P2RY8: variants seen among roughly 807,000 people sequenced by gnomAD.
P2RY8 encodes S-geranylgeranyl-glutathione receptor P2RY8.
P2RY8 carries 6 observed loss-of-function variants against 10.0 expected under a neutral mutation model. The ratio of observed to expected loss-of-function variants is 0.60; its 90% confidence interval spans 0.33 to 1.19. The LOEUF (loss-of-function observed/expected upper bound fraction) is 1.19. Ranked by LOEUF, P2RY8 falls within the 50% of genes most tolerant of loss-of-function variation. The pLI is 0.04. For missense variants in P2RY8, 456 were observed against 542.0 expected (o/e 0.84, Z 1.58); for synonymous variants, 276 against 252.5 (o/e 1.09, Z -0.88).
At chrX:1,478,273 G>GTGTGTGTGTGTGTGTGTGTA (rs539376483) in intron 1 of P2RY8, among the ~76,000 whole-genome samples, 1 of 133,568 alleles carries the variant, frequency 7.5e-6, no homozygotes, top group African/African-American at 3.3e-5. Context: ...GTGTGTGTGT[G>GTGTGTGTGTGTGTGTGTGTA]CCCAGCAGGG....
intron 1 of P2RY8, among the ~76,000 whole-genome samples, chrX:1,514,118 C>A (rs147198012): frequency 0.028 from 4,214 of 152,172 alleles, 191 homozygotes; most frequent in African/African-American, 0.096. Flanking sequence ...CACTTTTAGC[C>A]CTGAGGTTCT....
chrX:1,512,507 ATTG>A (rs2149404184), intron 1 of P2RY8, among the ~76,000 whole-genome samples: 1 of 137,104 alleles, frequency 7.3e-6, no homozygotes, highest in South Asian at 2.4e-4. Flanking sequence ...AGATCATGCC[ATTG>A]CACTCCAGCC....
chrX:1,532,365 A>G (rs1428342388), intron 1 of P2RY8, among the ~76,000 whole-genome samples: 12 of 149,490 alleles, frequency 8.0e-5, no homozygotes, highest in Admixed American at 2.7e-4. Flanking sequence ...ATATATACAC[A>G]TATACGTATA....
At position 1,465,561 on chromosome X, in the gene P2RY8, A is replaced by T; in HGVS notation, c.998T>A (p.Val333Glu). 1 of 1,612,538 alleles carries T rather than the reference A, an allele frequency of 6.2e-7. No individual in the cohort carries two copies. Among genetic ancestry groups the T allele is most frequent in the Non-Finnish European group, 8.5e-7 (1 of 1,179,768 alleles). The stretch of plus-strand genomic sequence containing the variant: ...AGGGTGCGCACCGGCCTCGGAGCGC[A>T]CGGACGTGGTCCTGGCGGAGAAGAG... ...ESLFSARTTS[V>E]RSEAGAHPEG... is the part of the protein sequence containing the mutation. The change falls in exon 2 of 2, where the codon GTG becomes GAG. Residue 333 changes from valine to glutamate, a missense_variant. Transcript: ENST00000381297.
At position 1,493,459 on chromosome X, in the gene P2RY8, GGGA is replaced by G. The variant is rs1569537410; in HGVS notation, c.-24-26880_-24-26878del. ...GGGAAGGAGGAGGAAGGAGGAAGGAGGGAGGAGGGAGGGAGGGAAGGAAGGAAA... is the reference window on the plus strand; with the variant it reads ...GGGAAGGAGGAGGAAGGAGGAAGGAGGGAGGGAGGGAGGGAAGGAAGGAAA... On this transcript the variant is annotated intron_variant, in intron 1 of 1. Transcript: ENST00000381297. Among the ~76,000 whole-genome samples the G allele has an allele frequency of 6.9e-5, 8 of 115,474 alleles. 1 individual carries two copies. Among genetic ancestry groups the G allele is most frequent in the South Asian group, 2.9e-4 (1 of 3,444 alleles). 75.8% of individuals were successfully genotyped at this position (115,474 alleles called of 152,430 possible). A position where few individuals can be genotyped will look rare whatever the true frequency, so the allele number is the denominator to read the frequency against.
At chrX:1,497,956 G>A (rs1239838518) in intron 1 of P2RY8, among the ~76,000 whole-genome samples, 1 of 152,048 alleles carries the variant, frequency 6.6e-6, no homozygotes, top group African/African-American at 2.4e-5. Flanking sequence ...GAAGCAGAGA[G>A]GGATGAGCAG....
intron 1 of P2RY8, among the ~76,000 whole-genome samples, chrX:1,507,759 C>G (rs2092248592): frequency 6.6e-6 from 1 of 152,186 alleles, no homozygotes; most frequent in South Asian, 2.1e-4. Context: ...TCTGGGTACA[C>G]TACCCCTGTG....
chrX:1,512,093 G>T (rs1198800973), intron 1 of P2RY8, among the ~76,000 whole-genome samples: 1 of 152,106 alleles, frequency 6.6e-6, no homozygotes, highest in African/African-American at 2.4e-5. Flanking sequence ...CCTGTCCAGG[G>T]TCTCCTGTGT....
At chrX:1,481,457 C>A (rs1239507762) in intron 1 of P2RY8, among the ~76,000 whole-genome samples, 1 of 152,200 alleles carries the variant, frequency 6.6e-6, no homozygotes, top group Non-Finnish European at 1.5e-5. Flanking sequence ...AGCCACCGTG[C>A]CCGGCCAGGT....
chrX:1,473,770 TG>T (rs2091833909), intron 1 of P2RY8, among the ~76,000 whole-genome samples: 1 of 106,152 alleles, frequency 9.4e-6, no homozygotes. Flanking sequence ...GATGGGTAGA[TG>T]GATGGGTGGG....
intron 1 of P2RY8, among the ~76,000 whole-genome samples, chrX:1,481,373 G>A (rs140930859): frequency 0.022 from 3,358 of 152,210 alleles, 82 homozygotes; most frequent in Admixed American, 0.079. Context: ...TATGTTAGCC[G>A]GGCTGGTCTT....
At chrX:1,502,576 G>A (rs1366039198) in intron 1 of P2RY8, among the ~76,000 whole-genome samples, 21 of 152,178 alleles carry the variant, frequency 1.4e-4, no homozygotes, top group Non-Finnish European at 2.9e-4. Flanking sequence ...AACCCAGATC[G>A]AGGGCCTCCC....
chrX:1,513,142 T>A (rs2092312218), intron 1 of P2RY8, among the ~76,000 whole-genome samples: 1 of 151,800 alleles, frequency 6.6e-6, no homozygotes, highest in African/African-American at 2.4e-5. Flanking sequence ...TGTTCTTGTG[T>A]TAGTTTGCTG....
intron 1 of P2RY8, among the ~76,000 whole-genome samples, chrX:1,505,645 C>T (rs1275038597): frequency 1.2e-4 from 18 of 152,074 alleles, no homozygotes; most frequent in Admixed American, 9.8e-4. Flanking sequence ...TAAAACTTAG[C>T]TGGGTGTGGT....
At chrX:1,476,256 G>A (rs1215596590) in intron 1 of P2RY8, among the ~76,000 whole-genome samples, 1 of 152,080 alleles carries the variant, frequency 6.6e-6, no homozygotes, top group African/African-American at 2.4e-5. Context: ...ACCTGTTTGA[G>A]CAAGAGTCCT....
At chrX:1,488,902 G>C (rs1368173717) in intron 1 of P2RY8, among the ~76,000 whole-genome samples, 3 of 152,070 alleles carry the variant, frequency 2.0e-5, no homozygotes, top group African/African-American at 7.2e-5. Flanking sequence ...GGGAATGAAT[G>C]AATGATACCC....
At chrX:1,507,838 A>G (rs1339959043) in intron 1 of P2RY8, among the ~76,000 whole-genome samples, 2 of 152,140 alleles carry the variant, frequency 1.3e-5, no homozygotes, top group African/African-American at 4.8e-5. Flanking sequence ...CTATTAGGTC[A>G]TGGCATGGCC....
chrX:1,503,247 G>A (rs1447702307), intron 1 of P2RY8, among the ~76,000 whole-genome samples: 1 of 152,090 alleles, frequency 6.6e-6, no homozygotes, highest in Non-Finnish European at 1.5e-5. Flanking sequence ...GAGGGAGCAC[G>A]GACCTGAGAC....
intron 1 of P2RY8, among the ~76,000 whole-genome samples, chrX:1,530,236 GTATC>G (rs1461836436): frequency 2.9e-4 from 42 of 145,410 alleles, no homozygotes; most frequent in African/African-American, 6.7e-4. Context: ...ATCTATGTAT[GTATC>G]TATCTATCTC....
Sources: gnomAD v4.1 joint callset for allele counts (sites outside exome capture counted in the v4.1 genomes callset) on GRCh38, gnomAD v4.1.1 for gene constraint, MANE v1.5 for transcripts, NCBI Gene and HGNC (gene_info 2026-07-23, HGNC 2026-07-21) for gene names.